The following SORBS2 variants were observed in gnomAD, a reference collection of about 807,000 sequenced individuals.
The protein encoded by SORBS2 is sorbin and SH3 domain-containing protein 2.
In SORBS2, 46 loss-of-function variants were observed where a neutral mutation model predicts 97.7. That is an observed-to-expected ratio of 0.47 (90% CI 0.37 to 0.60). SORBS2 has a LOEUF of 0.60. SORBS2 is among the 20% of genes least tolerant of loss of function. SORBS2 has a pLI of 0.00. For missense variants in SORBS2, 1,316 were observed against 1,282.3 expected (o/e 1.03, Z -0.40); for synonymous variants, 476 against 473.4 (o/e 1.01, Z -0.07).
intron 12 of SORBS2, among the ~76,000 whole-genome samples, chr4:185,603,293 C>T (rs966515394): frequency 6.6e-6 from 1 of 151,894 alleles, no homozygotes; most frequent in African/African-American, 2.4e-5. Flanking sequence ...AAAAATAAAA[C>T]CACAGACAGA....
At chr4:185,789,849 G>A (rs953759864) in intron 1 of SORBS2, among the ~76,000 whole-genome samples, 7 of 152,102 alleles carry the variant, frequency 4.6e-5, no homozygotes, top group African/African-American at 1.7e-4. Context: ...CTTGCTTCTT[G>A]ACCATTTTCT....
At position 185,917,942 on chromosome 4, in the gene SORBS2, G is replaced by A. The variant is rs530919341; in HGVS notation, c.-338+38254C>T. Among the ~76,000 whole-genome samples, 5 of 152,214 alleles carry A rather than the reference G, an allele frequency of 3.3e-5. No individual in the cohort carries two copies. In the East Asian group the frequency reaches 5.8e-4, roughly 18 times the overall value. On this transcript the variant is annotated intron_variant, in intron 1 of 20. Coordinates refer to the SORBS2 transcript ENST00000284776. ...AAACCCTGACTGTCAACGATAGAACGGGTCAAGACTTCCATGTATTATGAA... is the reference window on the plus strand; with the variant it reads ...AAACCCTGACTGTCAACGATAGAACAGGTCAAGACTTCCATGTATTATGAA...
chr4:185,897,084 G>A (rs2099245412), intron 1 of SORBS2, among the ~76,000 whole-genome samples: 4 of 151,672 alleles, frequency 2.6e-5, no homozygotes, highest in Admixed American at 2.0e-4. Context: ...CGGTTCCTCA[G>A]CCCAATTCTC....
chr4:185,911,774 T>A (rs1306074248), intron 1 of SORBS2, among the ~76,000 whole-genome samples: 1 of 152,176 alleles, frequency 6.6e-6, no homozygotes, highest in South Asian at 2.1e-4. Flanking sequence ...GGTCCACAGA[T>A]GACAAGGATC....
At chr4:185,690,599 G>A (rs1327217437) in intron 2 of SORBS2, 2 of 1,488,292 alleles carry the variant, frequency 1.3e-6, no homozygotes, top group Non-Finnish European at 1.8e-6. Flanking sequence ...TGTTATTAAA[G>A]TCTTCAGTTT....
chr4:185,880,251 T>C (rs1380463164), intron 1 of SORBS2, among the ~76,000 whole-genome samples: 1 of 152,194 alleles, frequency 6.6e-6, no homozygotes, highest in Non-Finnish European at 1.5e-5. Flanking sequence ...GGCAACCCAC[T>C]CCCATTTAAT....
At chr4:185,890,756 C>T (rs547878364) in intron 1 of SORBS2, among the ~76,000 whole-genome samples, 110 of 152,326 alleles carry the variant, frequency 7.2e-4, no homozygotes, top group African/African-American at 2.5e-3. Context: ...CTCCTTTCAT[C>T]TTGGTGTCCT....
Position 185,765,849 on chromosome 4 carries a change from G to GT in SORBS2, c.-198+9377dup, listed in dbSNP as rs201152766. 4.5e-4 allele frequency among the ~76,000 whole-genome samples: 68 copies of GT among 151,942 alleles called. No individual in the cohort carries two copies. The East Asian group carries it at 0.011, about 25-fold the overall frequency. ...TTCACTCGGCTTTTCATTTTTACTT[G>GT]TTTTTTTAGTTTTCCATCATAAGCC... On this transcript the variant is annotated intron_variant, in intron 2 of 20. Coordinates refer to the SORBS2 transcript ENST00000284776.
intron 2 of SORBS2, among the ~76,000 whole-genome samples, chr4:185,720,962 T>C (rs934340872): frequency 6.6e-6 from 1 of 152,100 alleles, no homozygotes; most frequent in African/African-American, 2.4e-5. Context: ...ACCCTTGCAT[T>C]GGGAATGATA....
At chr4:185,613,646 C>CA (rs35723770) in intron 11 of SORBS2, among the ~76,000 whole-genome samples, 39,059 of 85,188 alleles carry the variant, frequency 0.46, 8,972 homozygotes, top group Non-Finnish European at 0.56. Context: ...CACTCCATCT[C>CA]AAAAAAAAAA....
chr4:185,712,829 A>G (rs1294952761), intron 2 of SORBS2, among the ~76,000 whole-genome samples: 2 of 152,154 alleles, frequency 1.3e-5, no homozygotes, highest in African/African-American at 4.8e-5. Context: ...CCCCCTCGCA[A>G]GTGCCGTGAA....
intron 1 of SORBS2, among the ~76,000 whole-genome samples, chr4:185,782,971 A>G (rs1480761214): frequency 6.6e-6 from 1 of 152,224 alleles, no homozygotes; most frequent in African/African-American, 2.4e-5. Context: ...ACACTCTGAA[A>G]TCATCAAGAT....
intron 12 of SORBS2, among the ~76,000 whole-genome samples, chr4:185,609,053 G>C (rs1323892104): frequency 6.6e-6 from 1 of 151,494 alleles, no homozygotes; most frequent in East Asian, 1.9e-4. Context: ...CAAAACTCAT[G>C]TGAGCATCTT....
chr4:185,644,648 C>A (rs1423305481), intron 4 of SORBS2, among the ~76,000 whole-genome samples: 1 of 152,104 alleles, frequency 6.6e-6, no homozygotes, highest in Non-Finnish European at 1.5e-5. Context: ...ATGGAAATGC[C>A]ATGTGTCTGC....
intron 2 of SORBS2, among the ~76,000 whole-genome samples, chr4:185,705,924 C>A (rs1420460434): frequency 6.6e-6 from 1 of 152,170 alleles, no homozygotes; most frequent in Non-Finnish European, 1.5e-5. Flanking sequence ...TGTCTTCCAG[C>A]ATATGTCACT....
chr4:185,774,243 G>A (rs1447541515), intron 2 of SORBS2: 4 of 152,302 alleles, frequency 2.6e-5, no homozygotes, highest in Non-Finnish European at 5.9e-5. Flanking sequence ...TTACACATCT[G>A]CCAGACAGGG....
At chr4:185,850,566 T>C (rs935463199) in intron 1 of SORBS2, among the ~76,000 whole-genome samples, 13 of 152,212 alleles carry the variant, frequency 8.5e-5, no homozygotes, top group African/African-American at 3.1e-4. Flanking sequence ...GTGAGTGCTA[T>C]TAAAAACCCA....
chr4:185,859,356 C>T (rs1265101572), intron 1 of SORBS2, among the ~76,000 whole-genome samples: 2 of 152,186 alleles, frequency 1.3e-5, no homozygotes, highest in Non-Finnish European at 2.9e-5. Flanking sequence ...CTCCCAGCTG[C>T]TCCTCCACGC....
chr4:185,855,719 G>A (rs1366825554), intron 1 of SORBS2, among the ~76,000 whole-genome samples: 1 of 152,158 alleles, frequency 6.6e-6, no homozygotes, highest in African/African-American at 2.4e-5. Flanking sequence ...AAGATACTGG[G>A]ACTCCCACCA....
Sources: gnomAD v4.1 joint callset for allele counts (sites outside exome capture counted in the v4.1 genomes callset) on GRCh38, gnomAD v4.1.1 for gene constraint, MANE v1.5 for transcripts, NCBI Gene and HGNC (gene_info 2026-07-23, HGNC 2026-07-21) for gene names.